Variants in LEPR observed in about 807,000 individuals in gnomAD.
LEPR encodes OB receptor.
Under a neutral mutation model 114.7 loss-of-function variants are expected in LEPR, and 56 were observed. The ratio of observed to expected loss-of-function variants is 0.49; its 90% CI spans 0.39 to 0.61. The LOEUF (loss-of-function observed/expected upper bound fraction) is 0.61, where lower values mean the gene tolerates loss of function less well. LEPR is among the 20% of genes least tolerant of loss of function. LEPR has a pLI of 0.00. For synonymous variants in LEPR, 443 were observed against 461.4 expected, an observed-to-expected ratio of 0.96 and a Z score of 0.51; for missense variants, 1,202 against 1,352.9, an observed-to-expected ratio of 0.89 and a Z score of 1.75.
chr1:65,471,578 A>G (rs1310899165), intron 2 of LEPR, among the ~76,000 whole-genome samples: 2 of 152,218 alleles, frequency 1.3e-5, no homozygotes, highest in Non-Finnish European at 2.9e-5. Flanking sequence ...CAGTCAAAAA[A>G]TGACCTGGTT....
At chr1:65,453,487 T>A (rs1339800517) in intron 2 of LEPR, among the ~76,000 whole-genome samples, 1 of 152,074 alleles carries the variant, frequency 6.6e-6, no homozygotes, top group East Asian at 1.9e-4. Flanking sequence ...GTGTCTTTGT[T>A]CTCGTTGGTT....
intron 19 of LEPR, chr1:65,634,027 G>A: frequency 4.1e-6 from 4 of 985,286 alleles, no homozygotes; most frequent in Non-Finnish European, 4.8e-6. Context: ...GAAATGGGCA[G>A]TGATGCAAAA....
chr1:65,610,302 C>A lies in LEPR; in HGVS notation c.1995+6C>A. 1.2e-6 allele frequency: 2 copies of A among 1,600,316 alleles called. No homozygotes were observed. The highest frequency in any genetic ancestry group is 1.7e-6 in the Non-Finnish European group (2 of 1,168,724). Reference sequence around the variant, plus strand: ...ATGTCACTTTACTTTGGAAGGTATTCCCAATTTTAATATTAATCTTAAATT... The same window carrying A: ...ATGTCACTTTACTTTGGAAGGTATTACCAATTTTAATATTAATCTTAAATT... On this transcript the variant is annotated splice_donor_region_variant and intron_variant, in intron 14 of 19. Transcript: ENST00000349533.
chr1:65,628,251 A>C (rs1313997560), intron 19 of LEPR, among the ~76,000 whole-genome samples: 1 of 152,140 alleles, frequency 6.6e-6, no homozygotes, highest in African/African-American at 2.4e-5. Flanking sequence ...TTTTAAAATT[A>C]GTTTTTCTGG....
intron 2 of LEPR, among the ~76,000 whole-genome samples, chr1:65,523,604 C>G (rs956426073): frequency 3.3e-5 from 5 of 152,164 alleles, no homozygotes; most frequent in African/African-American, 1.2e-4. Context: ...AGCCACCATG[C>G]CCGGCGATAC....
intron 2 of LEPR, among the ~76,000 whole-genome samples, chr1:65,495,842 TA>T (rs1442493559): frequency 6.6e-6 from 1 of 152,130 alleles, no homozygotes; most frequent in Admixed American, 6.5e-5. Context: ...ATATGGTAGC[TA>T]AAAAAGTTGA....
chr1:65,432,452 G>A, intron 2 of LEPR: 1 of 620,260 alleles, frequency 1.6e-6, no homozygotes, highest in Non-Finnish European at 2.0e-6. Context: ...GGAGTTGTAT[G>A]CACATGAAAG....
chr1:65,521,496 A>C (rs1570602817), intron 2 of LEPR, among the ~76,000 whole-genome samples: 1 of 152,190 alleles, frequency 6.6e-6, no homozygotes. Flanking sequence ...CAGCCTAGCC[A>C]TACTGATACA....
intron 2 of LEPR, among the ~76,000 whole-genome samples, chr1:65,555,585 A>G (rs562308298): frequency 6.6e-6 from 1 of 152,250 alleles, no homozygotes; most frequent in South Asian, 2.1e-4. Context: ...TTTTTCAATT[A>G]GTTTACTTTG....
intron 2 of LEPR, among the ~76,000 whole-genome samples, chr1:65,469,792 C>A (rs552742287): frequency 6.6e-6 from 1 of 152,186 alleles, no homozygotes; most frequent in African/African-American, 2.4e-5. Context: ...GGACACTGAG[C>A]TTTAACACCA....
intron 15 of LEPR, among the ~76,000 whole-genome samples, chr1:65,616,829 T>C (rs992701035): frequency 6.6e-6 from 1 of 152,144 alleles, no homozygotes; most frequent in African/African-American, 2.4e-5. Context: ...AAATTTTTAA[T>C]GGAAAATACA....
chr1:65,498,139 A>G (rs536594280), intron 2 of LEPR, among the ~76,000 whole-genome samples: 1 of 152,166 alleles, frequency 6.6e-6, no homozygotes, highest in Non-Finnish European at 1.5e-5. Context: ...GTTCAGCCTA[A>G]TAAAGATGAA....
At chr1:65,468,026 T>C (rs1049448947) in intron 2 of LEPR, among the ~76,000 whole-genome samples, 1 of 152,192 alleles carries the variant, frequency 6.6e-6, no homozygotes, top group African/African-American at 2.4e-5. Flanking sequence ...CTGCTTCAGC[T>C]CACCCTCTGT....
In LEPR at chr1:65,633,881, C is replaced by T. The variant is rs1658619125; in HGVS notation, c.2674-2310C>T. 1 of 985,260 alleles carries T rather than the reference C, an allele frequency of 1.0e-6. No homozygotes were observed. Among genetic ancestry groups the T allele is most frequent in the Admixed American group, 6.2e-5 (1 of 16,246 alleles). 61.0% of individuals were successfully genotyped at this position (985,260 alleles called of 1,614,324 possible). On this transcript the variant is annotated intron_variant, in intron 19 of 19. Transcript: ENST00000349533. The surrounding 1 kb of genome is among the most constrained non-coding windows in gnomAD (Gnocchi z 4.1). ...GGACAGTGGGAGTTACAGTTCATAT[C>T]AGGATGACCCTACATACCCAGGTCA...
chr1:65,539,296 T>C (rs1651014691), intron 2 of LEPR, among the ~76,000 whole-genome samples: 1 of 152,008 alleles, frequency 6.6e-6, no homozygotes, highest in Non-Finnish European at 1.5e-5. Flanking sequence ...TGGTGGTTAG[T>C]TTCCTTTTTA....
At chr1:65,484,539 A>C (rs1272002821) in intron 2 of LEPR, among the ~76,000 whole-genome samples, 2 of 152,188 alleles carry the variant, frequency 1.3e-5, no homozygotes, top group Non-Finnish European at 2.9e-5. Context: ...GAGCGTCATC[A>C]GTTGTTCTTT....
At chr1:65,564,262 G>A (rs1283398679) in intron 2 of LEPR, among the ~76,000 whole-genome samples, 4,709 of 97,274 alleles carry the variant, frequency 0.048, no homozygotes, top group African/African-American at 0.091. Context: ...GTGGTGCGCC[G>A]TTTTTTAAGT....
chr1:65,438,228 C>T (rs1646592960), intron 2 of LEPR, among the ~76,000 whole-genome samples: 1 of 148,006 alleles, frequency 6.8e-6, no homozygotes, highest in Non-Finnish European at 1.5e-5. Context: ...GTTGTGCTAG[C>T]TGGAACACTG....
At chr1:65,605,363 T>A in intron 11 of LEPR, 126 bp downstream of exon 11, 6 of 1,181,918 alleles carry the variant, frequency 5.1e-6, no homozygotes, top group Admixed American at 1.9e-5. Flanking sequence ...TGTTCCTGTT[T>A]ACAGTGGTAT....
Sources: gnomAD v4.1 joint callset for allele counts (sites outside exome capture counted in the v4.1 genomes callset) on GRCh38, gnomAD v4.1.1 for gene constraint, Gnocchi (gnomAD v3.1) non-coding constraint, MANE v1.5 for transcripts, NCBI Gene and HGNC (gene_info 2026-07-23, HGNC 2026-07-21) for gene names.